The following NRF1 variants were observed in gnomAD, a reference collection of about 807,000 sequenced individuals.
The protein encoded by NRF1 is alpha palindromic-binding protein.
A neutral mutation model predicts 58.5 loss-of-function variants in NRF1; 5 were observed. The observed-to-expected ratio is 0.09, with a 90% CI of 0.04 to 0.18. The LOEUF (loss-of-function observed/expected upper bound fraction) is 0.18. Ranked by LOEUF, NRF1 falls within the 10% of genes least tolerant of loss-of-function variation. NRF1 has a pLI of 1.00. For missense variants in NRF1, 288 were observed against 657.7 expected (o/e 0.44, Z 6.15); for synonymous variants, 224 against 246.7 (o/e 0.91, Z 0.86).
intron 1 of NRF1, chr7:129,630,199 T>C (rs1393131081): frequency 1.3e-5 from 2 of 152,214 alleles, no homozygotes; most frequent in Non-Finnish European, 2.9e-5. Context: ...CAGTCTCCCA[T>C]CCATTCAGGC....
intron 9 of NRF1, among the ~76,000 whole-genome samples, chr7:129,717,878 C>T (rs1211278397): frequency 6.6e-6 from 1 of 152,194 alleles, no homozygotes; most frequent in Non-Finnish European, 1.5e-5. Flanking sequence ...GGATTATTGT[C>T]CTTTTGCCCT....
rs534247027 is a variant in NRF1 at position 129,727,402 on chromosome 7, T to C, written c.1348+37T>C. ...TAAATATTTTATTAAATTTCTTCCC[T>C]GTTTCCACTTAAACCTTCCTGACAT... On this transcript the variant is annotated intron_variant, in intron 10 of 10. Coordinates refer to ENST00000393232, the MANE Select transcript of NRF1 (RefSeq NM_005011.5). The C allele has an allele frequency of 1.9e-5, 29 of 1,560,404 alleles. 2 individuals are homozygous for C. In the South Asian group the frequency reaches 2.5e-4, roughly 13 times the overall value.
intron 4 of NRF1, among the ~76,000 whole-genome samples, chr7:129,686,962 C>T (rs1802456606): frequency 6.6e-6 from 1 of 152,178 alleles, no homozygotes; most frequent in South Asian, 2.1e-4. Flanking sequence ...ACAATGCTAT[C>T]ACTTAGAATT....
At chr7:129,677,843 G>A in intron 4 of NRF1, 85 bp downstream of exon 4, 1 of 1,536,398 alleles carries the variant, frequency 6.5e-7, no homozygotes, top group Non-Finnish European at 8.9e-7. Context: ...AAGTATAACA[G>A]TTGGCATTTC....
At chr7:129,714,939 G>A (rs1803153783) in intron 8 of NRF1, among the ~76,000 whole-genome samples, 1 of 152,194 alleles carries the variant, frequency 6.6e-6, no homozygotes, top group African/African-American at 2.4e-5. Context: ...AAGAGCTGCA[G>A]TAAGCACTGC....
intron 1 of NRF1, among the ~76,000 whole-genome samples, chr7:129,643,737 C>T (rs1801345087): frequency 6.6e-6 from 1 of 152,220 alleles, no homozygotes; most frequent in Non-Finnish European, 1.5e-5. Flanking sequence ...CTACTTCATT[C>T]AGGCAGTGTG....
chr7:129,719,396 T>G (rs573413974), intron 9 of NRF1, among the ~76,000 whole-genome samples: 11 of 152,284 alleles, frequency 7.2e-5, no homozygotes, highest in South Asian at 2.1e-4. Context: ...CCTCCCAAAG[T>G]GCTGGGATTA....
intron 5 of NRF1, among the ~76,000 whole-genome samples, chr7:129,702,924 T>C (rs1180315639): frequency 1.3e-5 from 2 of 152,086 alleles, no homozygotes; most frequent in Admixed American, 1.3e-4. Context: ...AGAGCAAAGA[T>C]AGAGGGAACA....
chr7:129,634,137 GGA>G (rs1801121078), intron 1 of NRF1, among the ~76,000 whole-genome samples: 1 of 150,664 alleles, frequency 6.6e-6, no homozygotes, highest in Admixed American at 6.6e-5. Flanking sequence ...TGGAGAGTAT[GGA>G]GAGTTACCAT....
At chr7:129,676,424 A>C (rs1802180584) in intron 3 of NRF1, among the ~76,000 whole-genome samples, 1 of 152,238 alleles carries the variant, frequency 6.6e-6, no homozygotes, top group African/African-American at 2.4e-5. Context: ...TTGAACACTT[A>C]GAGGCCATTG....
At chr7:129,734,530 A>C (rs1239141693) in intron 10 of NRF1, among the ~76,000 whole-genome samples, 1 of 152,172 alleles carries the variant, frequency 6.6e-6, no homozygotes, top group Non-Finnish European at 1.5e-5. Context: ...CCATCTGCCC[A>C]GCTGTTCCGA....
intron 2 of NRF1, among the ~76,000 whole-genome samples, chr7:129,659,975 G>C (rs1452194833): frequency 1.3e-5 from 2 of 152,168 alleles, no homozygotes; most frequent in Non-Finnish European, 1.5e-5. Flanking sequence ...GGAAGAAAGA[G>C]GTTTTAATGG....
intron 4 of NRF1, among the ~76,000 whole-genome samples, chr7:129,688,885 G>A (rs1206882808): frequency 6.6e-6 from 1 of 152,028 alleles, no homozygotes; most frequent in African/African-American, 2.4e-5. Context: ...TGAAATTTGG[G>A]TGGGGACATA....
At chr7:129,678,965 C>T (rs1370740335) in intron 4 of NRF1, among the ~76,000 whole-genome samples, 2 of 152,062 alleles carry the variant, frequency 1.3e-5, no homozygotes, top group Non-Finnish European at 2.9e-5. Context: ...TTACCTTTGA[C>T]TGACATTGAT....
chr7:129,679,986 A>G (rs1802270669), intron 4 of NRF1, among the ~76,000 whole-genome samples: 1 of 151,614 alleles, frequency 6.6e-6, no homozygotes, highest in South Asian at 2.1e-4. Context: ...TGAACCCAGG[A>G]GGCAGAGGTT....
intron 9 of NRF1, among the ~76,000 whole-genome samples, chr7:129,718,665 G>A (rs778408004): frequency 3.4e-4 from 51 of 152,194 alleles, no homozygotes; most frequent in Admixed American, 1.9e-3. Context: ...AGAGGAGGGT[G>A]ATCACCTCCC....
intron 2 of NRF1, among the ~76,000 whole-genome samples, chr7:129,670,925 A>T (rs1802033725): frequency 6.6e-6 from 1 of 152,186 alleles, no homozygotes. Flanking sequence ...ATTCATTCAG[A>T]TACTCCTTTA....
chr7:129,736,274 A>ATTTTTT (rs61690883), intron 10 of NRF1, among the ~76,000 whole-genome samples: 1 of 97,960 alleles, frequency 1.0e-5, no homozygotes, highest in Non-Finnish European at 2.1e-5. Context: ...GCTCAATAGA[A>ATTTTTT]TTTTTTTTTT....
chr7:129,749,556 G>A (rs1198512962), intron 10 of NRF1, among the ~76,000 whole-genome samples: 1 of 151,914 alleles, frequency 6.6e-6, no homozygotes, highest in Non-Finnish European at 1.5e-5. Flanking sequence ...CTTTATGTTG[G>A]CACCTGAAGT....
Sources: gnomAD v4.1 joint callset for allele counts (sites outside exome capture counted in the v4.1 genomes callset) on GRCh38, gnomAD v4.1.1 for gene constraint, MANE v1.5 for transcripts, NCBI Gene and HGNC (gene_info 2026-07-23, HGNC 2026-07-21) for gene names.